The following WDR17 variants were observed in gnomAD, a reference collection of about 807,000 sequenced individuals.
The protein encoded by WDR17 is WD repeat domain 17, also known as WD repeat-containing protein 17.
In WDR17, 143 loss-of-function variants were observed where a neutral mutation model predicts 161.7. The ratio of observed to expected loss-of-function variants is 0.88; its 90% CI spans 0.77 to 1.02. The LOEUF (loss-of-function observed/expected upper bound fraction) is 1.02, where lower values mean the gene tolerates loss of function less well. WDR17 is among the 50% of genes least tolerant of loss of function. WDR17 has a pLI of 0.00. For missense variants in WDR17, 1,469 were observed against 1,520.9 expected, an observed-to-expected ratio of 0.97 and a Z score of 0.57; for synonymous variants, 517 against 515.6, an observed-to-expected ratio of 1.00 and a Z score of -0.04.
chr4:176,129,153 T>C (rs1308473836), intron 6 of WDR17, among the ~76,000 whole-genome samples: 1 of 152,080 alleles, frequency 6.6e-6, no homozygotes, highest in Non-Finnish European at 1.5e-5. Context: ...TGAAAATAAG[T>C]TAGAAATATT....
In WDR17 at chr4:176,145,073, A is replaced by C. The variant is rs558225924; in HGVS notation, c.1530-922A>C. Among the ~76,000 whole-genome samples, 11 of 152,330 alleles carry C rather than the reference A, an allele frequency of 7.2e-5. No individual in the cohort carries two copies. In the South Asian group the frequency reaches 2.1e-3, roughly 29 times the overall value. On this transcript the variant is annotated intron_variant, in intron 11 of 28. Transcript: ENST00000508596. The stretch of plus-strand genomic sequence containing the variant: ...TAAATAAATATAAGTATTATAACCC[A>C]TGTGACAAAGTCAACAGTTTGAAGT...
In WDR17 at chr4:176,148,154, T is replaced by C. The variant is rs369769102; in HGVS notation, c.1716T>C (p.Tyr572=). 36 of 1,613,850 alleles carry C rather than the reference T, an allele frequency of 2.2e-5. No homozygotes were observed. The African/African-American group carries it at 2.3e-4, about 10-fold the overall frequency. Residue 572 remains tyrosine, a synonymous_variant, in exon 13 of 29, where the codon TAT becomes TAC. Coordinates refer to ENST00000508596, the MANE Select transcript of WDR17 (RefSeq NM_181265.4). ...SDDGTVRIWD[Y]TQDACINILN... is the part of the protein sequence containing the mutation. ...TCAGTACCGTTCGAATCTGGGATTATACTCAGGATGCTTGCATCAATATTC... is the reference window on the plus strand; with the variant it reads ...TCAGTACCGTTCGAATCTGGGATTACACTCAGGATGCTTGCATCAATATTC...
chr4:176,160,815 C>A (rs1164307553), intron 19 of WDR17, 96 bp from the exon 20 acceptor site: 2 of 975,434 alleles, frequency 2.1e-6, no homozygotes, highest in Non-Finnish European at 2.9e-6. Flanking sequence ...AAATTTCAAA[C>A]ATTATTTAAG....
At chr4:176,084,822 C>T (rs913678034) in intron 1 of WDR17, among the ~76,000 whole-genome samples, 2 of 144,558 alleles carry the variant, frequency 1.4e-5, no homozygotes, top group African/African-American at 5.1e-5. Flanking sequence ...CTTATATTTC[C>T]ATAAGGGCAT....
intron 17 of WDR17, among the ~76,000 whole-genome samples, chr4:176,152,806 A>G (rs1463320446): frequency 7.1e-6 from 1 of 141,542 alleles, no homozygotes; most frequent in Non-Finnish European, 1.5e-5. Flanking sequence ...ATGGTGGCGT[A>G]TTCCTGTAAT....
intron 22 of WDR17, among the ~76,000 whole-genome samples, chr4:176,165,288 G>T (rs558164461): frequency 6.6e-6 from 1 of 152,202 alleles, no homozygotes; most frequent in African/African-American, 2.4e-5. Flanking sequence ...AGAATCACTT[G>T]AACTCAGGCG....
Position 176,150,523 on chromosome 4 carries a change from A to T in WDR17, c.2234A>T (p.Asp745Val). The change falls in exon 16 of 29, where the codon GAT becomes GTT. Residue 745 changes from aspartate (D) to valine (V), a missense_variant. By Grantham distance (152) the Asp-to-Val change is radical. Coordinates refer to ENST00000508596, the MANE Select transcript of WDR17 (RefSeq NM_181265.4). ...WNLVAVIKGQDDSLLPQNYCK... is the reference protein window; with the variant it reads ...WNLVAVIKGQVDSLLPQNYCK... The stretch of plus-strand genomic sequence containing the variant: ...TTGGTTGCTGTGATAAAAGGACAGG[A>T]TGATAGCTTACTTCCTCAGAACTAC... The T allele has an allele frequency of 6.2e-7, 1 of 1,612,482 alleles. No homozygotes were observed. The highest frequency in any genetic ancestry group is 8.5e-7 in the Non-Finnish European group (1 of 1,179,364).
intron 18 of WDR17, among the ~76,000 whole-genome samples, chr4:176,156,677 TAAA>T (rs34152816): frequency 4.7e-5 from 6 of 128,920 alleles, no homozygotes; most frequent in Non-Finnish European, 6.7e-5. Context: ...GGGGTTGCCG[TAAA>T]AAAAAAAAAA....
At position 176,100,895 on chromosome 4, in the gene WDR17, A is replaced by G. The variant is rs1172408453; in HGVS notation, c.-6-10680A>G. 3.9e-5 allele frequency among the ~76,000 whole-genome samples: 6 copies of G among 152,208 alleles called. No homozygotes were observed. In the Middle Eastern group the frequency reaches 0.014, roughly 345 times the overall value. ...GCCTTGTTAAAGATCAATTCACTGT[A>G]GATATGTGGCTTTATTTCTGGGATC... On this transcript the variant is annotated intron_variant, in intron 1 of 28. Transcript: ENST00000508596.
chr4:176,138,550 C>T (rs887861235), intron 9 of WDR17, among the ~76,000 whole-genome samples: 1 of 151,736 alleles, frequency 6.6e-6, no homozygotes, highest in Non-Finnish European at 1.5e-5. Context: ...AGCAATGCCC[C>T]AACCTGCCAT....
At chr4:176,177,736 T>C (rs1751648769) in intron 28 of WDR17, 82 bp downstream of exon 28, 2 of 1,431,496 alleles carry the variant, frequency 1.4e-6, no homozygotes, top group African/African-American at 1.5e-5. Flanking sequence ...ATAAGCCTAA[T>C]TTGGATAAAA....
chr4:176,066,604 C>T (rs1732560560), intron 1 of WDR17, among the ~76,000 whole-genome samples: 1 of 152,130 alleles, frequency 6.6e-6, no homozygotes, highest in African/African-American at 2.4e-5. Context: ...CTGTCCTCCC[C>T]TCTCCAAAAT....
rs558703245 is a variant in WDR17 at position 176,087,906 on chromosome 4, C to T, written c.-7+21827C>T. ...TCACCCAGGCTGGATTGCAGTGGCG[C>T]GATCTCGGCTCACTGCAACCTTTGC... On this transcript the variant is annotated intron_variant, in intron 1 of 28. Coordinates refer to ENST00000508596, the MANE Select transcript of WDR17 (RefSeq NM_181265.4). Among the ~76,000 whole-genome samples the T allele has an allele frequency of 2.0e-5, 3 of 151,998 alleles. No individual in the cohort carries two copies. In the East Asian group the frequency reaches 5.8e-4, roughly 29 times the overall value.
intron 22 of WDR17, among the ~76,000 whole-genome samples, chr4:176,167,666 A>AAAAAAAAAAAAAAAAC (rs1561210753): frequency 7.1e-6 from 1 of 139,866 alleles, no homozygotes; most frequent in African/African-American, 2.6e-5. Flanking sequence ...AAAAAAAAAA[A>AAAAAAAAAAAAAAAAC]AAAAAACAAT....
At chr4:176,151,643 T>G (rs1747126707) in intron 16 of WDR17, among the ~76,000 whole-genome samples, 169 bp from the exon 17 acceptor site, 1 of 152,216 alleles carries the variant, frequency 6.6e-6, no homozygotes, top group Non-Finnish European at 1.5e-5. Flanking sequence ...ATTGATGAAA[T>G]CAGGGTAATT....
At chr4:176,146,249 A>T in intron 12 of WDR17, 90 bp downstream of exon 12, 1 of 1,348,626 alleles carries the variant, frequency 7.4e-7, no homozygotes, top group South Asian at 1.6e-5. Context: ...AGATATATAG[A>T]TATATACAGA....
At chr4:176,120,149 A>G (rs1741313563) in intron 4 of WDR17, 52 bp downstream of exon 4, 1 of 1,406,328 alleles carries the variant, frequency 7.1e-7, no homozygotes, top group Non-Finnish European at 9.7e-7. Flanking sequence ...TCTTATATAT[A>G]ATTTTGTACT....
chr4:176,162,975 C>G (rs1253965719), intron 21 of WDR17, among the ~76,000 whole-genome samples, 179 bp from the exon 22 acceptor site: 1 of 151,904 alleles, frequency 6.6e-6, no homozygotes, highest in East Asian at 1.9e-4. Flanking sequence ...ATAACTTTTC[C>G]CTCTGAAAAT....
In WDR17 at chr4:176,150,488, T is replaced by C; in HGVS notation, c.2199T>C (p.Asn733=). 6.2e-7 allele frequency: 1 copy of C among 1,609,206 alleles called. No individual in the cohort carries two copies. The highest frequency in any genetic ancestry group is 1.7e-4 in the Middle Eastern group (1 of 6,038). ...TTTAGCCTCCAGGTGGCAGTGACAA[T>C]TTATGGAACTTGGTTGCTGTGATAA... The part of the protein sequence containing the change: ...ECLSPPGGSD[N]LWNLVAVIKG... Residue 733 remains asparagine, a synonymous_variant, in exon 16 of 29, where the codon AAT becomes AAC. Transcript: ENST00000508596.
Sources: gnomAD v4.1 joint callset for allele counts (sites outside exome capture counted in the v4.1 genomes callset) on GRCh38, gnomAD v4.1.1 for gene constraint, MANE v1.5 for transcripts, NCBI Gene and HGNC (gene_info 2026-07-23, HGNC 2026-07-21) for gene names.